The following OCRL variants were observed in gnomAD, a reference collection of about 807,000 sequenced individuals.
OCRL encodes inositol polyphosphate 5-phosphatase OCRL.
In OCRL, 8 loss-of-function variants were observed where a neutral mutation model predicts 78.9. The observed-to-expected ratio is 0.10, with a 90% CI of 0.06 to 0.18. OCRL has a LOEUF of 0.18. Among genes scored for constraint, OCRL ranks in the 10% least tolerant of loss-of-function variants. The pLI is 1.00. For missense variants in OCRL, 454 were observed against 696.7 expected (o/e 0.65, Z 3.92); for synonymous variants, 240 against 235.4 (o/e 1.02, Z -0.18).
At position 129,587,115 on chromosome X, in the gene OCRL, C is replaced by T. The variant is rs769476997; in HGVS notation, c.2253C>T (p.His751=). ...LVDHLFKYAC[H]QEDLFQTPGM... ...ATCACCTATTCAAATACGCCTGTCA[C>T]CAGGTAAGTGAGAGTAGACCTTCCC... Residue 751 remains histidine (H), a synonymous_variant, in exon 20 of 24, where the codon CAC becomes CAT. Transcript: ENST00000371113. 1.8e-6 allele frequency: 2 copies of T among 1,140,039 alleles called. No individual in the cohort carries two copies. Among genetic ancestry groups the T allele is most frequent in the Non-Finnish European group, 2.4e-6 (2 of 830,057 alleles). 94.0% of individuals were successfully genotyped at this position (1,140,039 alleles called of 1,213,427 possible).
intron 8 of OCRL, among the ~76,000 whole-genome samples, chrX:129,560,151 C>T (rs1382651162): frequency 8.9e-6 from 1 of 111,953 alleles, no homozygotes; most frequent in Non-Finnish European, 1.9e-5. Flanking sequence ...GAAGTGAGTT[C>T]CTGGAGTCAA....
intron 15 of OCRL, among the ~76,000 whole-genome samples, chrX:129,570,725 C>T (rs1351818419): frequency 8.9e-6 from 1 of 112,660 alleles, no homozygotes; most frequent in Non-Finnish European, 1.9e-5. Flanking sequence ...AATTTGCACA[C>T]ATCTCATTTA....
At chrX:129,586,658 C>A in intron 19 of OCRL, 1 of 335,335 alleles carries the variant, frequency 3.0e-6, no homozygotes, top group Admixed American at 3.4e-5. Context: ...GTCCCCAAGT[C>A]ACCAGTGCTG....
At chrX:129,557,790 G>A (rs944401128) in intron 5 of OCRL, 71 bp from the exon 6 acceptor site, 6 of 741,514 alleles carry the variant, frequency 8.1e-6, no homozygotes, top group Non-Finnish European at 1.1e-5. Flanking sequence ...TGAAAGAATG[G>A]CTTTTGGCTA....
At chrX:129,551,798 G>A (rs753518008) in intron 4 of OCRL, among the ~76,000 whole-genome samples, 68 of 112,578 alleles carry the variant, frequency 6.0e-4, no homozygotes, top group Admixed American at 2.4e-3. Flanking sequence ...AGAAGAGTAA[G>A]TATATTAGGA....
At chrX:129,554,527 A>G (rs909374636) in intron 4 of OCRL, 2 of 112,126 alleles carry the variant, frequency 1.8e-5, no homozygotes, top group African/African-American at 6.5e-5. Flanking sequence ...GTAGATCCCA[A>G]TGGATGAGCC....
intron 4 of OCRL, among the ~76,000 whole-genome samples, chrX:129,552,942 T>C (rs1935985854): frequency 8.9e-6 from 1 of 112,374 alleles, no homozygotes; most frequent in South Asian, 3.6e-4. Flanking sequence ...AGAAATTCAG[T>C]CCCTCAGTTG....
At position 129,557,870 on chromosome X, in the gene OCRL, A is replaced by G; in HGVS notation, c.359A>G (p.Gln120Arg). 3.4e-6 allele frequency: 4 copies of G among 1,192,115 alleles called. No individual in the cohort carries two copies. Among genetic ancestry groups the G allele is most frequent in the South Asian group, 1.8e-5 (1 of 56,547 alleles). Reference sequence around the variant, plus strand: ...AACCTTATCTCTCTAGCTCAGTCACAGCTTCTTGTTCCAGAGCAAAAGGAC... The same window carrying G: ...AACCTTATCTCTCTAGCTCAGTCACGGCTTCTTGTTCCAGAGCAAAAGGAC... ...AVLAAQKAQS[Q>R]LLVPEQKDSS... Residue 120 changes from glutamine to arginine, a missense_variant, in exon 6 of 24, where the codon CAG becomes CGG. Gln to Arg is a conservative substitution (Grantham distance 43). Around this residue, in one of 2 missense-constraint regions of OCRL, gnomAD observed 177 missense variants for 179.6 expected, o/e 0.99. Coordinates refer to ENST00000371113, the MANE Select transcript of OCRL (RefSeq NM_000276.4).
chrX:129,542,495 A>G (rs367686306), intron 2 of OCRL, among the ~76,000 whole-genome samples: 1 of 106,986 alleles, frequency 9.3e-6, no homozygotes, highest in East Asian at 2.8e-4. Context: ...AACAACTAAT[A>G]TAGTTGTTGC....
intron 20 of OCRL, 38 bp from the exon 21 acceptor site, chrX:129,588,141 T>C: frequency 3.0e-6 from 3 of 1,002,236 alleles, no homozygotes; most frequent in South Asian, 1.9e-5. Context: ...TCAGGAGTGA[T>C]TATCTTGCCT....
In OCRL at chrX:129,548,564, A is replaced by T. The variant is rs1935920388; in HGVS notation, c.201A>T (p.Glu67Asp). 8.3e-7 allele frequency: 1 copy of T among 1,201,402 alleles called. No homozygotes were observed. Among genetic ancestry groups the T allele is most frequent in the Admixed American group, 2.2e-5 (1 of 45,757 alleles). The change falls in exon 4 of 24, where the codon GAA becomes GAT. Residue 67 changes from glutamate to aspartate, a missense_variant and splice_region_variant. By Grantham distance (45) the Glu-to-Asp change is conservative. Around this residue, in one of 2 missense-constraint regions of OCRL, gnomAD observed 177 missense variants for 179.6 expected, o/e 0.99. Transcript: ENST00000371113. Reference sequence around the variant, plus strand: ...ACTCTCTTTTTTTTCCCCTCTCAGAAGCAGAAGAAACTCTTTTGATTGACA... The same window carrying T: ...ACTCTCTTTTTTTTCCCCTCTCAGATGCAGAAGAAACTCTTTTGATTGACA... ...PINSHFRCVQ[E>D]AEETLLIDIA...
intron 4 of OCRL, among the ~76,000 whole-genome samples, chrX:129,551,665 A>T (rs1226431257): frequency 8.9e-6 from 1 of 112,085 alleles, no homozygotes; most frequent in East Asian, 2.8e-4. Context: ...CAATCTCTTG[A>T]CCTCGTGATC....
chrX:129,557,981 T>A, intron 6 of OCRL, 31 bp downstream of exon 6: 4 of 922,302 alleles, frequency 4.3e-6, no homozygotes, highest in South Asian at 2.0e-5. Context: ...TCCTTGTTGC[T>A]ATGGTCATTG....
chrX:129,541,201 C>G lies in OCRL; in HGVS notation c.119+378C>G, dbSNP rs920572647. On this transcript the variant is annotated intron_variant, in intron 2 of 23. Transcript: ENST00000371113. ...TACCTTACAGCCTTTGGAATTATAA[C>G]TGGGGGAAAAATAAATGCGAGAGTG... 2.7e-5 allele frequency among the ~76,000 whole-genome samples: 3 copies of G among 112,372 alleles called. No individual in the cohort carries two copies. In the East Asian group the frequency reaches 8.3e-4, roughly 31 times the overall value.
chrX:129,574,857 A>C (rs1279775714), intron 15 of OCRL, among the ~76,000 whole-genome samples: 1 of 112,634 alleles, frequency 8.9e-6, no homozygotes. Context: ...GTGTGCTTCT[A>C]TAATGCTTTG....
At chrX:129,558,031 A>T (rs1602781447) in intron 6 of OCRL, 81 bp downstream of exon 6, 2 of 631,323 alleles carry the variant, frequency 3.2e-6, no homozygotes, top group Non-Finnish European at 2.7e-6. Context: ...ATGGTGATGT[A>T]GATTAAAGCT....
At chrX:129,547,296 T>C (rs747805578) in intron 3 of OCRL, among the ~76,000 whole-genome samples, 65 of 109,410 alleles carry the variant, frequency 5.9e-4, no homozygotes, top group South Asian at 1.6e-3. Context: ...GAGGCCAAGG[T>C]GGGCAGATCA....
intron 16 of OCRL, chrX:129,575,641 G>T: frequency 2.4e-6 from 1 of 417,298 alleles, no homozygotes; most frequent in Non-Finnish European, 4.2e-6. Flanking sequence ...CCAAGGTTGG[G>T]TTACCCTCTT....
In OCRL at chrX:129,575,338, G is replaced by A. The variant is rs1025348972; in HGVS notation, c.1713+88G>A. ...TACTTAGAAAAGGCTACATAGCAAC[G>A]TGGTTAAGCCCATGTCGCTGGAGTC... On this transcript the variant is annotated intron_variant, in intron 16 of 23. Transcript: ENST00000371113. 38 of 597,820 alleles carry A rather than the reference G, an allele frequency of 6.4e-5. No individual in the cohort carries two copies. The Middle Eastern group carries it at 9.6e-4, about 15-fold the overall frequency. The allele number at this position is 597,820 out of a possible 1,213,427, so 49.3% of individuals were successfully genotyped here. A position where few individuals can be genotyped will look rare whatever the true frequency, so the allele number is the denominator to read the frequency against.
Sources: gnomAD v4.1 joint callset for allele counts (sites outside exome capture counted in the v4.1 genomes callset) on GRCh38, gnomAD v4.1.1 for gene constraint, gnomAD v4.1.1 regional missense constraint, MANE v1.5 for transcripts, NCBI Gene and HGNC (gene_info 2026-07-23, HGNC 2026-07-21) for gene names.